The following MPDZ variants were observed in gnomAD, a reference collection of about 807,000 sequenced individuals.
The protein encoded by MPDZ is multiple PDZ domain protein.
MPDZ carries 234 observed loss-of-function variants against 239.1 expected under a neutral mutation model. That is an observed-to-expected ratio of 0.98 (90% CI 0.88 to 1.09). MPDZ has a LOEUF of 1.09. Ranked by LOEUF, MPDZ falls within the 50% of genes least tolerant of loss-of-function variation. MPDZ has a pLI of 0.00. For missense variants in MPDZ, 3,175 were observed against 2,510.0 expected (o/e 1.26, Z -5.66); for synonymous variants, 1,048 against 881.3 (o/e 1.19, Z -3.35).
chr9:13,157,623 T>C (rs1949982267), intron 24 of MPDZ, among the ~76,000 whole-genome samples: 1 of 151,450 alleles, frequency 6.6e-6, no homozygotes, highest in African/African-American at 2.4e-5. Context: ...GAGGGTACTT[T>C]TACACACAAA....
At chr9:13,207,970 T>C (rs1957180432) in intron 10 of MPDZ, among the ~76,000 whole-genome samples, 1 of 152,222 alleles carries the variant, frequency 6.6e-6, no homozygotes, top group South Asian at 2.1e-4. Flanking sequence ...TCAAAGTCAT[T>C]AATATTCCTT....
chr9:13,125,406 T>A lies in MPDZ; in HGVS notation c.4633-16A>T. ...GGCTAATAAACTGGCAGGGTGTATG[T>A]GTGGAAGAGAAACAAAATTCAAAGC... On this transcript the variant is annotated splice_polypyrimidine_tract_variant and intron_variant, in intron 34 of 46. Coordinates refer to ENST00000319217, the MANE Select transcript of MPDZ (RefSeq NM_001378778.1). 1.2e-6 allele frequency: 2 copies of A among 1,605,938 alleles called. No individual in the cohort carries two copies. The highest frequency in any genetic ancestry group is 1.7e-6 in the Non-Finnish European group (2 of 1,174,198).
At chr9:13,250,186 TA>T (rs1295236834) in intron 2 of MPDZ, 113 bp downstream of exon 2, 1 of 979,686 alleles carries the variant, frequency 1.0e-6, no homozygotes, top group East Asian at 2.6e-5. Flanking sequence ...AAAAACTTTT[TA>T]AATCTAGATA....
At chr9:13,251,128 C>CAAAAAAAAAAAAAAAAAAAAAAAAAAAAA (rs150252589) in intron 1 of MPDZ, among the ~76,000 whole-genome samples, 2 of 36,448 alleles carry the variant, frequency 5.5e-5, no homozygotes, top group African/African-American at 1.2e-4. Context: ...GACTCCATCT[C>CAAAAAAAAAAAAAAAAAAAAAAAAAAAAA]AAAAAAAAAA....
At chr9:13,264,297 T>C (rs1037254444) in intron 1 of MPDZ, among the ~76,000 whole-genome samples, 6 of 152,116 alleles carry the variant, frequency 3.9e-5, no homozygotes, top group South Asian at 2.1e-4. Flanking sequence ...CTAAAACACA[T>C]AGATACACAA....
At position 13,106,287 on chromosome 9, in the gene MPDZ, A is replaced by G. The variant is rs1941459901; in HGVS notation, c.*678T>C. The G allele has an allele frequency of 1.3e-5, 2 of 152,152 alleles. No homozygotes were observed. The highest frequency in any genetic ancestry group is 4.1e-4 in the South Asian group (2 of 4,832). 9.4% of individuals were successfully genotyped at this position (152,152 alleles called of 1,614,324 possible). On this transcript the variant is annotated 3_prime_UTR_variant, in exon 47 of 47. Transcript: ENST00000319217. ...GTCAAAAATAAGAATGAAAATTGAA[A>G]TGTGCATTAAATATAATTTCTTTAT...
chr9:13,265,243 T>G (rs1490046708), intron 1 of MPDZ, among the ~76,000 whole-genome samples: 1 of 152,210 alleles, frequency 6.6e-6, no homozygotes, highest in African/African-American at 2.4e-5. Context: ...CTGCCTGGAA[T>G]GAGGCAATTC....
chr9:13,176,421 G>T lies in MPDZ; in HGVS notation c.2650-4C>A. On this transcript the variant is annotated splice_polypyrimidine_tract_variant and splice_region_variant and intron_variant, in intron 19 of 46. Transcript: ENST00000319217. ...CACAAGAATTTTCAATAACATCCTG[G>T]TAGTTAAAAAACAACAACAACAAAA... The T allele has an allele frequency of 6.5e-7, 1 of 1,533,900 alleles. No individual in the cohort carries two copies. The highest frequency in any genetic ancestry group is 1.4e-5 in the African/African-American group (1 of 72,730).
At chr9:13,247,904 T>G (rs967877548) in intron 2 of MPDZ, 103 bp from the exon 3 acceptor site, 6 of 1,092,520 alleles carry the variant, frequency 5.5e-6, no homozygotes, top group Non-Finnish European at 7.7e-6. Flanking sequence ...TTCTATTGAG[T>G]GCATAAAATT....
chr9:13,117,471 C>G (rs561509934), intron 39 of MPDZ, among the ~76,000 whole-genome samples: 1 of 150,436 alleles, frequency 6.6e-6, no homozygotes, highest in East Asian at 2.0e-4. Flanking sequence ...GCGGAGCTTG[C>G]AGTGAGCCGA....
Position 13,126,787 on chromosome 9 carries a change from A to C in MPDZ, c.4465-15T>G. On this transcript the variant is annotated splice_polypyrimidine_tract_variant and intron_variant, in intron 32 of 46. Transcript: ENST00000319217. ...CCCCCCTGATCCTAGAAAAGTAAAA[A>C]CAAAAATGCTCAGAAGACTTGAAAC... 1.9e-6 allele frequency: 3 copies of C among 1,604,500 alleles called. No individual in the cohort carries two copies. The highest frequency in any genetic ancestry group is 1.1e-5 in the South Asian group (1 of 90,888).
intron 1 of MPDZ, among the ~76,000 whole-genome samples, chr9:13,260,787 G>A (rs1970511154): frequency 6.6e-6 from 1 of 152,174 alleles, no homozygotes; most frequent in African/African-American, 2.4e-5. Context: ...CTCATCAGAA[G>A]CAGAACCCTA....
chr9:13,176,758 G>C (rs1952550175), intron 19 of MPDZ, among the ~76,000 whole-genome samples: 1 of 152,076 alleles, frequency 6.6e-6, no homozygotes, highest in South Asian at 2.1e-4. Flanking sequence ...AGAGCAAGTA[G>C]CATACTTCCA....
Position 13,106,774 on chromosome 9 carries a change from A to C in MPDZ, c.*191T>G, listed in dbSNP as rs1004835254. On this transcript the variant is annotated 3_prime_UTR_variant, in exon 47 of 47. Coordinates refer to ENST00000319217, the MANE Select transcript of MPDZ (RefSeq NM_001378778.1). Reference sequence around the variant, plus strand: ...CTTTAAGTTCACAAAATGCAAGAAGAAAAGAAAAATGATGTTAGGTTGTCA... The same window carrying C: ...CTTTAAGTTCACAAAATGCAAGAAGCAAAGAAAAATGATGTTAGGTTGTCA... The C allele has an allele frequency of 6.9e-6, 4 of 575,626 alleles. No individual in the cohort carries two copies. Among genetic ancestry groups the C allele is most frequent in the Non-Finnish European group, 1.2e-5 (4 of 340,108 alleles). 35.7% of individuals were successfully genotyped at this position (575,626 alleles called of 1,614,324 possible). A position where few individuals can be genotyped will look rare whatever the true frequency, so the allele number is the denominator to read the frequency against.
chr9:13,150,634 T>A lies in MPDZ; in HGVS notation c.3507A>T (p.Gly1169=). Reference sequence around the variant, plus strand: ...TGCTTAGCCGACTCCCCATCCCTCGTCCACCAACAATGCTGATGCCTAAGG... The same window carrying A: ...TGCTTAGCCGACTCCCCATCCCTCGACCACCAACAATGCTGATGCCTAAGG... ...SKSLGISIVG[G]RGMGSRLSNG... Residue 1169 remains glycine (G), a synonymous_variant, in exon 25 of 47, where the codon GGA becomes GGT. Transcript: ENST00000319217. 2.0e-6 allele frequency: 3 copies of A among 1,526,886 alleles called. No individual in the cohort carries two copies. Among genetic ancestry groups the A allele is most frequent in the Non-Finnish European group, 2.6e-6 (3 of 1,134,594 alleles). The allele number at this position is 1,526,886 out of a possible 1,614,324, so 94.6% of individuals were successfully genotyped here. A position where few individuals can be genotyped will look rare whatever the true frequency, so the allele number is the denominator to read the frequency against.
rs775358913 is a variant in MPDZ, at chr9:13,138,090, C to T, written c.4067G>A (p.Gly1356Asp). Residue 1356 changes from glycine to aspartate, a missense_variant, in exon 29 of 47, where the codon GGT becomes GAT. Transcript: ENST00000319217. ...GELHMIELEK[G>D]HSGLGLSLAG... Reference sequence around the variant, plus strand: ...AAGACTTAGGCCCAAACCACTATGACCTTTCTCCAGTTCAATCATATGCAG... The same window carrying T: ...AAGACTTAGGCCCAAACCACTATGATCTTTCTCCAGTTCAATCATATGCAG... 4 of 1,613,318 alleles carry T rather than the reference C, an allele frequency of 2.5e-6. No homozygotes were observed. Among genetic ancestry groups the T allele is most frequent in the African/African-American group, 1.3e-5 (1 of 74,930 alleles).
chr9:13,150,530 G>A lies in MPDZ; in HGVS notation c.3611C>T (p.Pro1204Leu). 2 of 1,569,614 alleles carry A rather than the reference G, an allele frequency of 1.3e-6. No homozygotes were observed. Among genetic ancestry groups the A allele is most frequent in the Non-Finnish European group, 8.6e-7 (1 of 1,156,098 alleles). The change falls in exon 25 of 47, where the codon CCT (proline) becomes CTT (leucine). Residue 1204 changes from proline (P) to leucine (L), a missense_variant. Coordinates refer to ENST00000319217, the MANE Select transcript of MPDZ (RefSeq NM_001378778.1). ...SPAGKNGTLK[P>L]GDRIVEVDGM... ...GGGTACCTCTACGATTCTATCTCCA[G>A]GTTTCAAGGTTCCATTTTTGCCAGC...
At chr9:13,273,567 T>C (rs889820393) in intron 1 of MPDZ, among the ~76,000 whole-genome samples, 22 of 152,180 alleles carry the variant, frequency 1.4e-4, no homozygotes, top group Non-Finnish European at 2.9e-4. Flanking sequence ...CAATTCAGAT[T>C]ATCAAACACA....
At chr9:13,120,029 T>A (rs950396564) in intron 38 of MPDZ, 1 of 192,868 alleles carries the variant, frequency 5.2e-6, no homozygotes, top group African/African-American at 2.4e-5. Context: ...GAGCTTTGAA[T>A]AATATTAACT....
Sources: allele counts gnomAD v4.1 joint callset (sites outside exome capture counted in the v4.1 genomes callset), GRCh38; gene constraint gnomAD v4.1.1; transcripts MANE v1.5; gene names NCBI Gene and HGNC (gene_info 2026-07-23, HGNC 2026-07-21).